MCPH1: variants seen among roughly 807,000 people sequenced by gnomAD.
The protein encoded by MCPH1 is microcephalin.
In MCPH1, 104 loss-of-function variants were observed where a neutral mutation model predicts 84.5. The observed-to-expected ratio is 1.23, with a 90% confidence interval of 1.05 to 1.45. The LOEUF (loss-of-function observed/expected upper bound fraction) is 1.45, where lower values mean the gene tolerates loss of function less well. MCPH1 is among the 40% of genes most tolerant of loss of function. MCPH1 has a pLI of 0.00. For synonymous variants in MCPH1, 514 were observed against 366.8 expected, an observed-to-expected ratio of 1.40 and a Z score of -4.58; for missense variants, 1,498 against 1,005.7, an observed-to-expected ratio of 1.49 and a Z score of -6.62.
At chr8:6,422,073 G>A (rs1056957573) in intron 3 of MCPH1, among the ~76,000 whole-genome samples, 1 of 152,108 alleles carries the variant, frequency 6.6e-6, no homozygotes, top group African/African-American at 2.4e-5. Flanking sequence ...CTTTTTTCCT[G>A]TGTGTACTAT....
At chr8:6,634,921 G>A (rs992454639) in intron 13 of MCPH1, 1 of 152,202 alleles carries the variant, frequency 6.6e-6, no homozygotes, top group Non-Finnish European at 1.5e-5. Flanking sequence ...GGAGGTGTAG[G>A]TGTAGAAGAT....
At chr8:6,437,839 C>T (rs1243331046) in intron 5 of MCPH1, among the ~76,000 whole-genome samples, 1 of 152,208 alleles carries the variant, frequency 6.6e-6, no homozygotes, top group Non-Finnish European at 1.5e-5. Context: ...TCCCTCCTCT[C>T]TCCCCTGATG....
chr8:6,452,655 A>T (rs1438804626), intron 8 of MCPH1, among the ~76,000 whole-genome samples: 1 of 152,252 alleles, frequency 6.6e-6, no homozygotes, highest in Non-Finnish European at 1.5e-5. Flanking sequence ...GGGCTTCATG[A>T]TGAGATTAGG....
intron 12 of MCPH1, among the ~76,000 whole-genome samples, chr8:6,518,780 A>G (rs1019005073): frequency 3.9e-5 from 6 of 152,318 alleles, no homozygotes; most frequent in Non-Finnish European, 5.9e-5. Flanking sequence ...ATATGCAAAC[A>G]TATTTATAGA....
intron 12 of MCPH1, among the ~76,000 whole-genome samples, chr8:6,602,305 G>A (rs1328480680): frequency 2.6e-5 from 4 of 152,330 alleles, no homozygotes; most frequent in East Asian, 1.9e-4. Context: ...GAGAGGGACC[G>A]TCCTTGCATT....
rs71213313 is a variant in MCPH1 at position 6,527,899 on chromosome 8, A to ATTTTTTTTTTTTT, written c.2214+27972_2214+27984dup. Among the ~76,000 whole-genome samples, 764 of 132,888 alleles carry ATTTTTTTTTTTTT rather than the reference A, an allele frequency of 5.7e-3. 12 individuals are homozygous for ATTTTTTTTTTTTT. The highest frequency in any genetic ancestry group is 9.0e-3 in the Non-Finnish European group (551 of 61,176). The allele number at this position is 132,888 out of a possible 152,430, so 87.2% of individuals were successfully genotyped here. ...TTTTTACTCTTTTCCCCACGTCTCT[A>ATTTTTTTTTTTTT]TTTTTTTTTTTTTTGAGATGGAATC... On this transcript the variant is annotated intron_variant, in intron 12 of 13. Coordinates refer to ENST00000344683, the MANE Select transcript of MCPH1 (RefSeq NM_024596.5).
intron 12 of MCPH1, 40 bp from the exon 13 acceptor site, chr8:6,621,414 T>C: frequency 1.2e-6 from 2 of 1,611,164 alleles, no homozygotes; most frequent in Non-Finnish European, 1.7e-6. Flanking sequence ...GAGACTGGAG[T>C]GGTCCCACCT....
At chr8:6,499,268 G>T (rs1033753508) in intron 11 of MCPH1, among the ~76,000 whole-genome samples, 8 of 152,036 alleles carry the variant, frequency 5.3e-5, no homozygotes, top group Non-Finnish European at 8.8e-5. Flanking sequence ...ACCGTGTGGG[G>T]ATTCAAATAC....
chr8:6,483,128 G>A (rs1361401378), intron 11 of MCPH1, among the ~76,000 whole-genome samples: 2 of 152,154 alleles, frequency 1.3e-5, no homozygotes, highest in Admixed American at 1.3e-4. Flanking sequence ...TAAAATAAGT[G>A]CAGGATCTGT....
intron 12 of MCPH1, among the ~76,000 whole-genome samples, chr8:6,525,285 G>T (rs983717826): frequency 6.6e-6 from 1 of 152,138 alleles, no homozygotes; most frequent in Non-Finnish European, 1.5e-5. Context: ...GGAGAGATGG[G>T]GGTCTGTCTT....
intron 2 of MCPH1, 122 bp from the exon 3 acceptor site, chr8:6,414,643 T>C (rs1008894962): frequency 5.2e-5 from 54 of 1,031,542 alleles, no homozygotes; most frequent in Middle Eastern, 3.1e-4. Context: ...ATGCATTCCT[T>C]TGAGTGTTTC....
chr8:6,563,651 G>A (rs73509210), intron 12 of MCPH1, among the ~76,000 whole-genome samples: 2,043 of 152,250 alleles, frequency 0.013, 50 homozygotes, highest in African/African-American at 0.047. Context: ...TCAGGACTTC[G>A]GTTTATTTTT....
intron 9 of MCPH1, among the ~76,000 whole-genome samples, chr8:6,467,215 G>T (rs1478632945): frequency 2.0e-5 from 3 of 152,298 alleles, no homozygotes; most frequent in East Asian, 1.9e-4. Context: ...TATAGGAAAA[G>T]AATATAATAT....
At chr8:6,480,297 G>A (rs2129559726) in intron 10 of MCPH1, among the ~76,000 whole-genome samples, 1 of 152,078 alleles carries the variant, frequency 6.6e-6, no homozygotes, top group South Asian at 2.1e-4. Flanking sequence ...GCTAATTTTT[G>A]TAGTTTTTAG....
At chr8:6,449,373 C>CCTGT (rs1272540946) in intron 8 of MCPH1, among the ~76,000 whole-genome samples, 4 of 152,124 alleles carry the variant, frequency 2.6e-5, no homozygotes, top group African/African-American at 9.7e-5. Flanking sequence ...ATGGCTCACG[C>CCTGT]CTGTAATCTC....
At chr8:6,530,491 G>A (rs1205308506) in intron 12 of MCPH1, among the ~76,000 whole-genome samples, 1 of 132,548 alleles carries the variant, frequency 7.5e-6, no homozygotes, top group African/African-American at 2.8e-5. Flanking sequence ...CCTGGGCAAT[G>A]CAGTGAGACT....
intron 12 of MCPH1, among the ~76,000 whole-genome samples, chr8:6,505,439 C>G (rs1473021027): frequency 1.4e-5 from 1 of 70,678 alleles, no homozygotes; most frequent in Non-Finnish European, 2.8e-5. Flanking sequence ...TATATATATT[C>G]TTTATATACA....
intron 6 of MCPH1, 88 bp from the exon 7 acceptor site, chr8:6,441,979 T>C: frequency 1.1e-6 from 1 of 870,276 alleles, no homozygotes; most frequent in Non-Finnish European, 1.9e-6. Flanking sequence ...TAGAATCACC[T>C]ATGATTAATA....
intron 12 of MCPH1, among the ~76,000 whole-genome samples, chr8:6,594,441 A>T (rs1828763707): frequency 6.6e-6 from 1 of 152,180 alleles, no homozygotes; most frequent in African/African-American, 2.4e-5. Context: ...TCTTTCCAAA[A>T]CACTCATTCG....
Sources: allele counts gnomAD v4.1 joint callset (sites outside exome capture counted in the v4.1 genomes callset), GRCh38; gene constraint gnomAD v4.1.1; transcripts MANE v1.5; gene names NCBI Gene and HGNC (gene_info 2026-07-23, HGNC 2026-07-21).